The following NPRL3 variants were observed in gnomAD, a reference collection of about 807,000 sequenced individuals.
NPRL3 encodes NPR3 like, GATOR1 complex subunit, also known as GATOR1 complex protein NPRL3.
A neutral mutation model predicts 57.2 loss-of-function variants in NPRL3; 23 were observed. The observed-to-expected ratio is 0.40, with a 90% CI of 0.29 to 0.57. The LOEUF (loss-of-function observed/expected upper bound fraction) is 0.57, where lower values mean the gene tolerates loss of function less well. Among genes scored for constraint, NPRL3 ranks in the 20% least tolerant of loss-of-function variants. NPRL3 has a pLI of 0.42. For missense variants in NPRL3, 691 were observed against 767.1 expected (o/e 0.90, Z 1.17); for synonymous variants, 333 against 321.1 (o/e 1.04, Z -0.39).
intron 7 of NPRL3, among the ~76,000 whole-genome samples, chr16:109,818 G>C (rs1899708226): frequency 6.6e-6 from 1 of 152,164 alleles, no homozygotes; most frequent in Non-Finnish European, 1.5e-5. Context: ...ATGCACTGAT[G>C]CATCTCTTCA....
chr16:94,059 C>A (rs991055926), intron 9 of NPRL3, among the ~76,000 whole-genome samples: 1 of 114,180 alleles, frequency 8.8e-6, no homozygotes, highest in African/African-American at 3.5e-5. Context: ...CCTCTTATAC[C>A]CCCTAAAACT....
chr16:100,740 T>G (rs1227377371), intron 7 of NPRL3, among the ~76,000 whole-genome samples: 1 of 145,154 alleles, frequency 6.9e-6, no homozygotes. Flanking sequence ...GAGGCCAAGG[T>G]GGGCGGATCA....
chr16:100,556 A>G (rs372207275), intron 7 of NPRL3, 47 bp from the exon 8 acceptor site: 228 of 1,431,954 alleles, frequency 1.6e-4, no homozygotes, highest in Non-Finnish European at 2.0e-4. Flanking sequence ...CTTTCTAACC[A>G]TGCACACAGA....
chr16:104,843 C>G (rs1899460956), intron 7 of NPRL3, among the ~76,000 whole-genome samples: 1 of 152,170 alleles, frequency 6.6e-6, no homozygotes, highest in African/African-American at 2.4e-5. Context: ...GGTGCCGGCC[C>G]AACCTCCAGC....
chr16:94,788 C>T (rs934963009), intron 9 of NPRL3, among the ~76,000 whole-genome samples: 6 of 152,130 alleles, frequency 3.9e-5, no homozygotes, highest in African/African-American at 1.2e-4. Context: ...CCTCACCCCA[C>T]GTGCCACTCG....
chr16:128,007 T>TTTG (rs1900621047), intron 3 of NPRL3, among the ~76,000 whole-genome samples: 1 of 151,432 alleles, frequency 6.6e-6, no homozygotes, highest in Non-Finnish European at 1.5e-5. Context: ...TTTTTTTTTT[T>TTTG]TTGAGACAGA....
At position 112,731 on chromosome 16, in the gene NPRL3, G is replaced by A; in HGVS notation, c.438C>T (p.Ser146=). 6.2e-7 allele frequency: 1 copy of A among 1,612,138 alleles called. No homozygotes were observed. The highest frequency in any genetic ancestry group is 8.5e-7 in the Non-Finnish European group (1 of 1,178,786). ...PSVINCLHNL[S]RRIATVLQHE... The stretch of plus-strand genomic sequence containing the variant: ...GCTGCAGCACGGTGGCGATACGACG[G>A]GACAGGTTATGCAGACAGTTTATCA... Residue 146 remains serine, a synonymous_variant, in exon 6 of 14, where the codon TCC becomes TCT. Coordinates refer to ENST00000611875, the MANE Select transcript of NPRL3 (RefSeq NM_001077350.3).
intron 4 of NPRL3, among the ~76,000 whole-genome samples, 195 bp downstream of exon 4, chr16:118,931 C>A (rs919139904): frequency 1.3e-5 from 2 of 151,232 alleles, no homozygotes; most frequent in Non-Finnish European, 2.9e-5. Context: ...TGTACCTGCC[C>A]AGGGGAAGCC....
At chr16:108,141 G>A (rs980682219) in intron 7 of NPRL3, among the ~76,000 whole-genome samples, 2 of 152,132 alleles carry the variant, frequency 1.3e-5, no homozygotes, top group Non-Finnish European at 2.9e-5. Context: ...GTCACCAAGA[G>A]ACAAACAAAT....
chr16:123,900 A>C (rs34722090), intron 3 of NPRL3, among the ~76,000 whole-genome samples: 35,729 of 37,312 alleles, frequency 0.96, 17,085 homozygotes, highest in East Asian at 0.97. Flanking sequence ...AGGGTCACAC[A>C]CTCCCCACGC....
intron 3 of NPRL3, among the ~76,000 whole-genome samples, chr16:125,314 A>G (rs1015845702): frequency 6.6e-6 from 1 of 152,154 alleles, no homozygotes; most frequent in Non-Finnish European, 1.5e-5. Context: ...AGATCACCCA[A>G]GAAGTCAGAA....
intron 7 of NPRL3, among the ~76,000 whole-genome samples, chr16:102,295 C>A (rs893871907): frequency 6.6e-6 from 1 of 152,216 alleles, no homozygotes; most frequent in East Asian, 1.9e-4. Context: ...TTCTATGACA[C>A]AGAGGAGATG....
At chr16:116,058 T>C (rs1452140384) in intron 5 of NPRL3, among the ~76,000 whole-genome samples, 1 of 152,216 alleles carries the variant, frequency 6.6e-6, no homozygotes, top group Non-Finnish European at 1.5e-5. Context: ...GTGGGACTGC[T>C]AGATCTAAGG....
In NPRL3 at chr16:109,541, T is replaced by C. The variant is rs1596518860; in HGVS notation, c.629+984A>G. On this transcript the variant is annotated intron_variant, in intron 7 of 13. Transcript: ENST00000611875. ...AAATGGCATTTTGCATCTGTTTGAT[T>C]TAAAAACACTTTCGGACTCTCATGT... is the stretch of plus-strand genomic sequence containing the variant. Among the ~76,000 whole-genome samples the C allele has an allele frequency of 2.0e-5, 3 of 152,174 alleles. No homozygotes were observed. In the South Asian group the frequency reaches 6.2e-4, roughly 31 times the overall value.
In NPRL3 at chr16:85,517, G is replaced by A. The variant is rs766487967; in HGVS notation, c.*1188C>T. On this transcript the variant is annotated 3_prime_UTR_variant, in exon 14 of 14. Transcript: ENST00000611875. ...CGCCAGCCGTGTCCTCAAGGACCGC[G>A]AGCTCTGCAGTGGCCCCTCCAAGCT... 17 of 1,613,256 alleles carry A rather than the reference G, an allele frequency of 1.1e-5. No individual in the cohort carries two copies. Among genetic ancestry groups the A allele is most frequent in the East Asian group, 2.2e-5 (1 of 44,898 alleles).
chr16:89,620 CT>C, intron 12 of NPRL3, 92 bp downstream of exon 12: 1 of 1,225,486 alleles, frequency 8.2e-7, no homozygotes, highest in Non-Finnish European at 1.1e-6. Context: ...GTGGAGGCCC[CT>C]CATCACTCAC....
intron 3 of NPRL3, among the ~76,000 whole-genome samples, chr16:123,792 C>G (rs1276941948): frequency 6.9e-6 from 1 of 144,808 alleles, no homozygotes; most frequent in Admixed American, 7.0e-5. Context: ...ACACTCCCCA[C>G]GCTGAGAAAC....
At chr16:137,546 C>T (rs1441272519) in intron 2 of NPRL3, among the ~76,000 whole-genome samples, 2 of 150,328 alleles carry the variant, frequency 1.3e-5, no homozygotes, top group African/African-American at 5.0e-5. Flanking sequence ...CAGATGTTCA[C>T]GTAACTTTTT....
rs1262389619 is a variant in NPRL3, at chr16:138,164, G to A, written c.104C>T (p.Pro35Leu). ...RYPFQRSQEH[P>L]ASQTSKPRSR... ...CGCTCACTTACTTGTCTGGGACGCC[G>A]GGTGCTCCTGGCTTCTCTGGAAGGG... Residue 35 changes from proline to leucine, a missense_variant, in exon 2 of 14, where the codon CCG becomes CTG. Coordinates refer to ENST00000611875, the MANE Select transcript of NPRL3 (RefSeq NM_001077350.3). 8 of 1,604,540 alleles carry A rather than the reference G, an allele frequency of 5.0e-6. No individual in the cohort carries two copies. The highest frequency in any genetic ancestry group is 6.8e-6 in the Non-Finnish European group (8 of 1,176,108).
Sources: gnomAD v4.1 joint callset for allele counts (sites outside exome capture counted in the v4.1 genomes callset) on GRCh38, gnomAD v4.1.1 for gene constraint, MANE v1.5 for transcripts, NCBI Gene and HGNC (gene_info 2026-07-23, HGNC 2026-07-21) for gene names.